Variants in PCCA observed in about 807,000 individuals in gnomAD.
PCCA encodes the protein propionyl-CoA carboxylase subunit alpha.
Under a neutral mutation model 101.3 loss-of-function variants are expected in PCCA, and 74 were observed. The ratio of observed to expected loss-of-function variants is 0.73; its 90% CI spans 0.61 to 0.89. The LOEUF (loss-of-function observed/expected upper bound fraction) is 0.89, where lower values mean the gene tolerates loss of function less well. Ranked by LOEUF, PCCA falls within the 40% of genes least tolerant of loss-of-function variation. The pLI is 0.00. For synonymous variants in PCCA, 294 were observed against 313.6 expected (o/e 0.94, Z 0.66); for missense variants, 891 against 907.0 (o/e 0.98, Z 0.23).
intron 8 of PCCA, chr13:100,236,373 G>A (rs1482714684): frequency 6.5e-6 from 1 of 155,016 alleles, no homozygotes. Context: ...ATAAAAGGTA[G>A]ACTGGAGGAG....
intron 18 of PCCA, among the ~76,000 whole-genome samples, chr13:100,350,196 G>T (rs1181643638): frequency 6.6e-6 from 1 of 152,102 alleles, no homozygotes; most frequent in Non-Finnish European, 1.5e-5. Flanking sequence ...CTTTTACTAA[G>T]ATGTCTTCTG....
At chr13:100,369,544 C>G (rs1279562720) in intron 19 of PCCA, among the ~76,000 whole-genome samples, 2 of 152,088 alleles carry the variant, frequency 1.3e-5, no homozygotes, top group African/African-American at 2.4e-5. Context: ...AAGCTGTTGC[C>G]CTGGAGAAGC....
intron 19 of PCCA, among the ~76,000 whole-genome samples, chr13:100,377,866 GTTCCTGTCATATCATTAA>G (rs376727132): frequency 0.014 from 2,067 of 152,130 alleles, 47 homozygotes; most frequent in African/African-American, 0.046. Context: ...ATGAGGTTTT[GTTCCTGTCATATCATTAA>G]TTGCTTTCTG....
At chr13:100,257,892 A>C (rs1365373546) in intron 9 of PCCA, among the ~76,000 whole-genome samples, 1 of 152,188 alleles carries the variant, frequency 6.6e-6, no homozygotes, top group Non-Finnish European at 1.5e-5. Context: ...TTACTGTTTT[A>C]AACATTAACA....
At chr13:100,317,613 G>T (rs892104178) in intron 16 of PCCA, among the ~76,000 whole-genome samples, 1 of 151,946 alleles carries the variant, frequency 6.6e-6, no homozygotes, top group African/African-American at 2.4e-5. Flanking sequence ...TTGAGACAGG[G>T]TCTCACTCTG....
At chr13:100,243,925 A>G (rs1041785080) in intron 8 of PCCA, among the ~76,000 whole-genome samples, 4 of 152,182 alleles carry the variant, frequency 2.6e-5, no homozygotes, top group Non-Finnish European at 4.4e-5. Flanking sequence ...CCAATAATTC[A>G]TACTTAAGAG....
In PCCA at chr13:100,301,518, G is replaced by A. The variant is rs778042583; in HGVS notation, c.1124G>A (p.Arg375His). Residue 375 changes from arginine to histidine, a missense_variant, in exon 13 of 24, where the codon CGT becomes CAT. Coordinates refer to ENST00000376285, the MANE Select transcript of PCCA (RefSeq NM_000282.4). ...TGLDLVQEMIRVAKGYPLRHK... is the reference protein window; with the variant it reads ...TGLDLVQEMIHVAKGYPLRHK... ...CTGGACCTAGTCCAGGAAATGATCC[G>A]TGTTGCTAAGGGCTACCCTCTCAGG... 8 of 1,614,024 alleles carry A rather than the reference G, an allele frequency of 5.0e-6. No individual in the cohort carries two copies. The highest frequency in any genetic ancestry group is 2.2e-5 in the East Asian group (1 of 44,872).
chr13:100,138,934 CAAAAAAAAAAAA>C (rs34466523), intron 4 of PCCA, among the ~76,000 whole-genome samples: 1 of 83,078 alleles, frequency 1.2e-5, no homozygotes, highest in East Asian at 3.3e-4. Context: ...AACTCCATCT[CAAAAAAAAAAAA>C]AAAAAAAAAA....
intron 4 of PCCA, among the ~76,000 whole-genome samples, chr13:100,113,243 G>A (rs971177631): frequency 6.6e-5 from 10 of 152,146 alleles, no homozygotes; most frequent in African/African-American, 2.4e-5. Context: ...GTAGGCAATT[G>A]TAACACAATG....
At chr13:100,241,372 T>C (rs1336858025) in intron 8 of PCCA, among the ~76,000 whole-genome samples, 1 of 152,242 alleles carries the variant, frequency 6.6e-6, no homozygotes, top group Non-Finnish European at 1.5e-5. Flanking sequence ...GTCTGGTTTC[T>C]TTCACACAGA....
At chr13:100,232,356 G>GTA (rs1426678374) in intron 7 of PCCA, among the ~76,000 whole-genome samples, 1 of 142,596 alleles carries the variant, frequency 7.0e-6, no homozygotes, top group African/African-American at 2.8e-5. Context: ...GTATGCGTGT[G>GTA]TGTGTGTGTG....
At chr13:100,520,596 C>A (rs2087186219) in intron 22 of PCCA, among the ~76,000 whole-genome samples, 1 of 124,220 alleles carries the variant, frequency 8.1e-6, no homozygotes, top group Non-Finnish European at 1.5e-5. Flanking sequence ...GATCGCGCCA[C>A]AGCACTCCAG....
At chr13:100,202,908 C>T (rs1245455868) in intron 6 of PCCA, among the ~76,000 whole-genome samples, 3 of 151,976 alleles carry the variant, frequency 2.0e-5, no homozygotes, top group Non-Finnish European at 2.9e-5. Context: ...CATTTCTGAG[C>T]TTTTCTAAAT....
intron 20 of PCCA, 36 bp downstream of exon 20, chr13:100,425,767 C>T (rs747129854): frequency 2.2e-6 from 3 of 1,363,536 alleles, no homozygotes; most frequent in East Asian, 2.3e-5. Context: ...AGGGCCTCCT[C>T]AAGTCCAGAA....
At chr13:100,501,396 T>C (rs2085657977) in intron 21 of PCCA, among the ~76,000 whole-genome samples, 1 of 152,216 alleles carries the variant, frequency 6.6e-6, no homozygotes, top group Admixed American at 6.5e-5. Context: ...GTCTCCATTG[T>C]CTACTATCAG....
intron 7 of PCCA, among the ~76,000 whole-genome samples, chr13:100,224,816 G>T (rs1382905944): frequency 6.6e-6 from 1 of 152,182 alleles, no homozygotes; most frequent in Non-Finnish European, 1.5e-5. Context: ...CAGCTCTAAT[G>T]TCAGTGAAAA....
intron 2 of PCCA, among the ~76,000 whole-genome samples, chr13:100,105,358 A>T (rs1594103838): frequency 2.6e-5 from 4 of 152,300 alleles, no homozygotes; most frequent in African/African-American, 9.6e-5. Context: ...TCATGTATCC[A>T]TGTGTTGCAT....
intron 19 of PCCA, among the ~76,000 whole-genome samples, chr13:100,413,253 C>CA (rs2078160843): frequency 6.6e-6 from 1 of 152,168 alleles, no homozygotes; most frequent in Non-Finnish European, 1.5e-5. Context: ...ACATCACAGT[C>CA]ACAATGTGTG....
At chr13:100,458,420 CGCGCACACACACACACACAT>C (rs1434148851) in intron 21 of PCCA, among the ~76,000 whole-genome samples, 1,387 of 106,134 alleles carry the variant, frequency 0.013, 47 homozygotes, top group African/African-American at 0.058. Context: ...CCCATCTCTG[CGCGCACACACACACACACAT>C]ACACACACAC....
Sources: gnomAD v4.1 joint callset for allele counts (sites outside exome capture counted in the v4.1 genomes callset) on GRCh38, gnomAD v4.1.1 for gene constraint, MANE v1.5 for transcripts, NCBI Gene and HGNC (gene_info 2026-07-23, HGNC 2026-07-21) for gene names.